CTDSP2: variants seen among roughly 807,000 people sequenced by gnomAD.
The protein encoded by CTDSP2 is CTD small phosphatase 2.
In CTDSP2, 9 loss-of-function variants were observed where a neutral mutation model predicts 31.6. The observed-to-expected ratio is 0.28, with a 90% CI of 0.17 to 0.50. The LOEUF (loss-of-function observed/expected upper bound fraction) is 0.50. Among genes scored for constraint, CTDSP2 ranks in the 20% least tolerant of loss-of-function variants. The probability of loss-of-function intolerance (pLI) is 0.98; values close to 1 mark genes in which losing one functional copy is unlikely to be tolerated. For missense variants in CTDSP2, 267 were observed against 348.5 expected, an observed-to-expected ratio of 0.77 and a Z score of 1.86; for synonymous variants, 134 against 134.5, an observed-to-expected ratio of 1.00 and a Z score of 0.03.
rs756200799 is a variant in CTDSP2, at chr12:57,824,181, T to G, written c.504+46A>C. 13 of 1,608,886 alleles carry G rather than the reference T, an allele frequency of 8.1e-6. No individual in the cohort carries two copies. In the South Asian group the frequency reaches 1.3e-4, roughly 16 times the overall value. On this transcript the variant is annotated intron_variant, in intron 6 of 7. Transcript: ENST00000398073. ...AAAGGGAGCTGCTGGACCACCCCCGTGGCCACCACACCCACTCCTGGTTCT... is the reference window on the plus strand; with the variant it reads ...AAAGGGAGCTGCTGGACCACCCCCGGGGCCACCACACCCACTCCTGGTTCT...
intron 2 of CTDSP2, among the ~76,000 whole-genome samples, 170 bp from the exon 3 acceptor site, chr12:57,827,760 G>A (rs960966338): frequency 2.6e-5 from 4 of 152,188 alleles, no homozygotes; most frequent in African/African-American, 7.2e-5. Flanking sequence ...CAGGAAAAGG[G>A]AAAGGCTAGA....
intron 1 of CTDSP2, 37 bp downstream of exon 1, chr12:57,846,335 G>C: frequency 6.3e-7 from 1 of 1,579,224 alleles, no homozygotes; most frequent in East Asian, 2.3e-5. Flanking sequence ...TCCGCGCCCG[G>C]GGGCGACGCA....
intron 1 of CTDSP2, among the ~76,000 whole-genome samples, chr12:57,838,865 G>A (rs1956263932): frequency 6.6e-6 from 1 of 152,216 alleles, no homozygotes; most frequent in African/African-American, 2.4e-5. Flanking sequence ...AGCTTTGTAA[G>A]TGTCAACTGC....
chr12:57,845,960 C>T (rs923589467), intron 1 of CTDSP2, among the ~76,000 whole-genome samples: 5 of 152,182 alleles, frequency 3.3e-5, no homozygotes, highest in Admixed American at 2.0e-4. Context: ...TCCGTTCCAC[C>T]TGGGGCTCCC....
chr12:57,840,056 G>A (rs949508406), intron 1 of CTDSP2, among the ~76,000 whole-genome samples: 1 of 151,964 alleles, frequency 6.6e-6, no homozygotes, highest in Non-Finnish European at 1.5e-5. Context: ...ACAGTAAAAC[G>A]GGACCACCAA....
At chr12:57,832,145 C>T (rs568076428) in intron 1 of CTDSP2, among the ~76,000 whole-genome samples, 1 of 152,210 alleles carries the variant, frequency 6.6e-6, no homozygotes, top group South Asian at 2.1e-4. Flanking sequence ...CGCGCATGCT[C>T]TCTCTCTCTC....
intron 1 of CTDSP2, among the ~76,000 whole-genome samples, chr12:57,833,386 G>A (rs1279985226): frequency 6.6e-6 from 1 of 152,228 alleles, no homozygotes; most frequent in Non-Finnish European, 1.5e-5. Context: ...GGGGGCAGGA[G>A]CTTGAAGCAG....
chr12:57,832,940 A>T (rs1956225774), intron 1 of CTDSP2, among the ~76,000 whole-genome samples: 1 of 152,058 alleles, frequency 6.6e-6, no homozygotes, highest in Non-Finnish European at 1.5e-5. Context: ...GCTCACATTA[A>T]ATTCTAAGCT....
intron 1 of CTDSP2, among the ~76,000 whole-genome samples, chr12:57,831,654 A>G (rs926116133): frequency 1.3e-5 from 2 of 152,200 alleles, no homozygotes; most frequent in Admixed American, 6.5e-5. Context: ...GATGGGCCCA[A>G]TGATTAAACC....
At chr12:57,827,397 A>G (rs566700019) in intron 3 of CTDSP2, 155 bp downstream of exon 3, 4 of 775,862 alleles carry the variant, frequency 5.2e-6, no homozygotes, top group African/African-American at 3.4e-5. Context: ...CCTTGCACAT[A>G]GCAGGCCCTC....
chr12:57,844,057 T>C (rs1214415420), intron 1 of CTDSP2, among the ~76,000 whole-genome samples: 7 of 151,996 alleles, frequency 4.6e-5, no homozygotes, highest in Admixed American at 3.9e-4. Flanking sequence ...TAGCCAAGCG[T>C]GATGGCGCGC....
intron 5 of CTDSP2, chr12:57,824,620 G>C (rs1956171483): frequency 3.4e-6 from 2 of 590,568 alleles, no homozygotes; most frequent in Non-Finnish European, 6.7e-6. Flanking sequence ...GCTGCCTCCA[G>C]AAACAAGTAA....
rs1956138995 is a variant in CTDSP2, at chr12:57,820,617, A to G, written c.*2985T>C. ...CCACTGTTACCAGAGGTGAGTTTAT[A>G]CATTTACAAAATGCTTAAAATCTTT... On this transcript the variant is annotated 3_prime_UTR_variant, in exon 8 of 8. Coordinates refer to ENST00000398073, the MANE Select transcript of CTDSP2 (RefSeq NM_005730.4). The G allele has an allele frequency of 6.6e-6, 1 of 152,650 alleles. No individual in the cohort carries two copies. The highest frequency in any genetic ancestry group is 2.1e-4 in the South Asian group (1 of 4,826). 9.5% of individuals were successfully genotyped at this position (152,650 alleles called of 1,614,324 possible).
At chr12:57,826,294 G>A (rs2140474261) in intron 5 of CTDSP2, 52 bp downstream of exon 5, 1 of 1,569,314 alleles carries the variant, frequency 6.4e-7, no homozygotes, top group Non-Finnish European at 8.8e-7. Flanking sequence ...AGGTGAGGCA[G>A]AAGGCAGACC....
At chr12:57,827,137 A>G in intron 3 of CTDSP2, 40 bp from the exon 4 acceptor site, 1 of 1,442,900 alleles carries the variant, frequency 6.9e-7, no homozygotes. Flanking sequence ...CCTACCAAGA[A>G]AGCCCAATTG....
intron 2 of CTDSP2, among the ~76,000 whole-genome samples, chr12:57,829,130 G>A (rs1956200084): frequency 6.6e-6 from 1 of 152,208 alleles, no homozygotes; most frequent in African/African-American, 2.4e-5. Context: ...TGTGAATCCT[G>A]TGATCTCCTT....
At chr12:57,832,001 C>T (rs1956218604) in intron 1 of CTDSP2, among the ~76,000 whole-genome samples, 1 of 152,200 alleles carries the variant, frequency 6.6e-6, no homozygotes. Flanking sequence ...GAGAAAATGG[C>T]CTTTACACAG....
chr12:57,839,488 G>A (rs1347430885), intron 1 of CTDSP2, among the ~76,000 whole-genome samples: 4 of 152,192 alleles, frequency 2.6e-5, no homozygotes, highest in Admixed American at 1.3e-4. Context: ...GGAGGCCAAG[G>A]CGGGCGGATC....
intron 5 of CTDSP2, 100 bp from the exon 6 acceptor site, chr12:57,824,419 C>G (rs1956169696): frequency 2.2e-6 from 2 of 894,314 alleles, no homozygotes; most frequent in South Asian, 2.8e-5. Context: ...AGCTCTCAAC[C>G]CCTGCAGCCC....
Sources: gnomAD v4.1 joint callset for allele counts (sites outside exome capture counted in the v4.1 genomes callset) on GRCh38, gnomAD v4.1.1 for gene constraint, MANE v1.5 for transcripts, NCBI Gene and HGNC (gene_info 2026-07-23, HGNC 2026-07-21) for gene names.